Variants in TRPM8 observed in about 807,000 individuals in gnomAD.
The protein encoded by TRPM8 is transient receptor potential cation channel subfamily M member 8, also known as TRPM8 cationic channel.
A neutral mutation model predicts 133.7 loss-of-function variants in TRPM8; 110 were observed. The ratio of observed to expected loss-of-function variants is 0.82; its 90% CI spans 0.70 to 0.96. The LOEUF is 0.96. Ranked by LOEUF, TRPM8 falls within the 40% of genes least tolerant of loss-of-function variation. The pLI, the probability that TRPM8 is intolerant of heterozygous loss-of-function variation, is 0.00. For missense variants in TRPM8, 1,291 were observed against 1,379.5 expected, an observed-to-expected ratio of 0.94 and a Z score of 1.02; for synonymous variants, 535 against 532.3, an observed-to-expected ratio of 1.01 and a Z score of -0.07.
intron 24 of TRPM8, among the ~76,000 whole-genome samples, chr2:234,008,378 G>T (rs1399256791): frequency 6.6e-6 from 1 of 152,182 alleles, no homozygotes; most frequent in Non-Finnish European, 1.5e-5. Context: ...TGTGGAGGCA[G>T]GTGAAGATGC....
intron 20 of TRPM8, 157 bp downstream of exon 20, chr2:233,983,381 T>A: frequency 1.3e-6 from 1 of 786,586 alleles, no homozygotes; most frequent in Non-Finnish European, 2.2e-6. Flanking sequence ...AACCTCTTCT[T>A]TGCTCTTAAG....
chr2:234,008,361 T>G (rs950616021), intron 24 of TRPM8, among the ~76,000 whole-genome samples: 2 of 152,238 alleles, frequency 1.3e-5, no homozygotes, highest in Non-Finnish European at 2.9e-5. Flanking sequence ...CTTCTCTTTC[T>G]TTCAGCTGTG....
intron 17 of TRPM8, among the ~76,000 whole-genome samples, chr2:233,971,515 T>A (rs964028561): frequency 4.6e-5 from 7 of 152,056 alleles, no homozygotes; most frequent in African/African-American, 1.7e-4. Context: ...GAGGTGCAGA[T>A]GGGGAATGGA....
At chr2:233,927,389 G>C (rs1691540212) in intron 2 of TRPM8, among the ~76,000 whole-genome samples, 1 of 152,222 alleles carries the variant, frequency 6.6e-6, no homozygotes, top group Non-Finnish European at 1.5e-5. Flanking sequence ...CTCTCCCCCA[G>C]TTTGGGTCTA....
At chr2:233,937,299 A>T in intron 3 of TRPM8, 54 bp from the exon 4 acceptor site, 1 of 1,600,814 alleles carries the variant, frequency 6.2e-7, no homozygotes, top group Non-Finnish European at 8.5e-7. Flanking sequence ...ACCAGTTTCC[A>T]TAAGCAGGCT....
chr2:234,007,978 T>G, intron 23 of TRPM8, 92 bp from the exon 24 acceptor site: 2 of 1,249,158 alleles, frequency 1.6e-6, no homozygotes, highest in Non-Finnish European at 2.3e-6. Flanking sequence ...TATTCTGTAC[T>G]TTAATTTAAA....
chr2:233,995,965 A>C (rs1376904825), intron 21 of TRPM8, among the ~76,000 whole-genome samples: 1 of 152,124 alleles, frequency 6.6e-6, no homozygotes, highest in Non-Finnish European at 1.5e-5. Flanking sequence ...CCACCATGCT[A>C]GTCCCAAGGG....
chr2:233,994,554 A>C (rs1312990855), intron 21 of TRPM8, among the ~76,000 whole-genome samples: 1 of 152,228 alleles, frequency 6.6e-6, no homozygotes, highest in African/African-American at 2.4e-5. Context: ...AGTCTGCCTT[A>C]CACGGGATCC....
At chr2:233,935,834 G>A (rs1326449427) in intron 3 of TRPM8, among the ~76,000 whole-genome samples, 2 of 152,162 alleles carry the variant, frequency 1.3e-5, no homozygotes, top group Non-Finnish European at 2.9e-5. Flanking sequence ...AGTGGGAGTT[G>A]TTTTTGGCTA....
At chr2:233,934,489 T>C (rs1455108758) in intron 3 of TRPM8, among the ~76,000 whole-genome samples, 1 of 152,182 alleles carries the variant, frequency 6.6e-6, no homozygotes, top group Non-Finnish European at 1.5e-5. Flanking sequence ...ATCTTGATCC[T>C]ACTGTGTAGA....
intron 23 of TRPM8, 25 bp downstream of exon 23, chr2:234,006,977 T>G: frequency 6.4e-7 from 1 of 1,565,544 alleles, no homozygotes; most frequent in South Asian, 1.1e-5. Flanking sequence ...CCTTTCTGCT[T>G]TGCAAGGCTC....
At chr2:233,931,877 C>G (rs768477742) in intron 3 of TRPM8, among the ~76,000 whole-genome samples, 4 of 152,196 alleles carry the variant, frequency 2.6e-5, no homozygotes, top group Non-Finnish European at 5.9e-5. Flanking sequence ...CTAATATTAT[C>G]AACCTCCTTG....
chr2:234,011,590 T>C (rs759677797), intron 24 of TRPM8, among the ~76,000 whole-genome samples: 3 of 152,204 alleles, frequency 2.0e-5, no homozygotes, highest in Non-Finnish European at 4.4e-5. Context: ...TTTCAATCCA[T>C]GAACATGGGA....
chr2:233,938,336 C>T (rs1337641792), intron 4 of TRPM8, among the ~76,000 whole-genome samples: 1 of 152,216 alleles, frequency 6.6e-6, no homozygotes, highest in Non-Finnish European at 1.5e-5. Context: ...ACCCCCACTC[C>T]CCCCAGTCTG....
chr2:233,970,976 A>G (rs967067247), intron 17 of TRPM8, among the ~76,000 whole-genome samples: 1 of 152,224 alleles, frequency 6.6e-6, no homozygotes, highest in African/African-American at 2.4e-5. Flanking sequence ...AGTCTAGCTC[A>G]GGACTCATGT....
chr2:233,985,465 C>G (rs977184575), intron 20 of TRPM8, among the ~76,000 whole-genome samples: 1 of 148,922 alleles, frequency 6.7e-6, no homozygotes, highest in African/African-American at 2.4e-5. Context: ...TTCCTTTTAT[C>G]TTGATCTTAA....
chr2:234,002,163 A>G (rs929165776), intron 22 of TRPM8, among the ~76,000 whole-genome samples: 1 of 151,852 alleles, frequency 6.6e-6, no homozygotes, highest in Non-Finnish European at 1.5e-5. Context: ...GACCCAGAAG[A>G]TGAATTGGAA....
intron 2 of TRPM8, among the ~76,000 whole-genome samples, chr2:233,927,781 TCTTTCTTTCTTTTCTTTCCTTCCTTC>T (rs1691565502): frequency 1.9e-5 from 1 of 52,134 alleles, no homozygotes; most frequent in East Asian, 1.2e-3. Context: ...TTTCTTTCTT[TCTTTCTTTCTTTTCTTTCCTTCCTTC>T]CTTCCTTCCT....
intron 22 of TRPM8, among the ~76,000 whole-genome samples, chr2:234,000,303 G>A (rs6706623): frequency 0.047 from 7,212 of 151,952 alleles, 345 homozygotes; most frequent in African/African-American, 0.1. Flanking sequence ...TAGAGATGGG[G>A]TTTCACTATG....
Sources: allele counts gnomAD v4.1 joint callset (sites outside exome capture counted in the v4.1 genomes callset), GRCh38; gene constraint gnomAD v4.1.1; transcripts MANE v1.5; gene names NCBI Gene and HGNC (gene_info 2026-07-23, HGNC 2026-07-21).